ST3GAL1: variants seen among roughly 807,000 people sequenced by gnomAD.
ST3GAL1 encodes the protein ST3 beta-galactoside alpha-2,3-sialyltransferase 1, also known as CMP-N-acetylneuraminate-beta-galactosamide-alpha-2,3-sialyltransferase 1.
In ST3GAL1, 16 loss-of-function variants were observed where a neutral mutation model predicts 34.1. The observed-to-expected ratio is 0.47, with a 90% CI of 0.32 to 0.71. The LOEUF (loss-of-function observed/expected upper bound fraction) is 0.71. Among genes scored for constraint, ST3GAL1 ranks in the 30% least tolerant of loss-of-function variants. The pLI is 0.04. For missense variants in ST3GAL1, 353 were observed against 447.4 expected (o/e 0.79, Z 1.90); for synonymous variants, 191 against 184.7 (o/e 1.03, Z -0.28).
chr8:133,555,399 T>G (rs1818982183), intron 1 of ST3GAL1, among the ~76,000 whole-genome samples: 1 of 152,154 alleles, frequency 6.6e-6, no homozygotes, highest in Non-Finnish European at 1.5e-5. Flanking sequence ...AGCACCGTAG[T>G]GCAATCTGTT....
chr8:133,484,077 A>G (rs1172087885), intron 3 of ST3GAL1, among the ~76,000 whole-genome samples: 1 of 152,068 alleles, frequency 6.6e-6, no homozygotes, highest in Non-Finnish European at 1.5e-5. Context: ...TGTTTTTTAT[A>G]GTTTGCCAAA....
chr8:133,541,116 T>TAGAGAGAGAGAG (rs1287760256), intron 2 of ST3GAL1, among the ~76,000 whole-genome samples: 513 of 48,424 alleles, frequency 0.011, 33 homozygotes, highest in Middle Eastern at 0.019. Context: ...TATATATATA[T>TAGAGAGAGAGAG]ATATAGAGAG....
intron 3 of ST3GAL1, among the ~76,000 whole-genome samples, chr8:133,493,769 C>G (rs1193229399): frequency 6.6e-6 from 1 of 151,414 alleles, no homozygotes; most frequent in Non-Finnish European, 1.5e-5. Flanking sequence ...TCACTTGAAC[C>G]TGGGAGGTGG....
At chr8:133,464,994 C>T (rs755518202) in intron 6 of ST3GAL1, 37 bp from the exon 7 acceptor site, 60 of 1,582,440 alleles carry the variant, frequency 3.8e-5, no homozygotes, top group Middle Eastern at 3.4e-4. Context: ...TCTTGTAGCA[C>T]GGGCACCCGT....
intron 2 of ST3GAL1, among the ~76,000 whole-genome samples, chr8:133,532,800 C>T (rs567321491): frequency 1.3e-5 from 2 of 152,270 alleles, no homozygotes; most frequent in East Asian, 1.9e-4. Context: ...ATCCTTAGCC[C>T]TCACCTACAA....
chr8:133,556,804 T>A lies in ST3GAL1; in HGVS notation c.-581-10878A>T, dbSNP rs534168897. On this transcript the variant is annotated intron_variant, in intron 1 of 9. Coordinates refer to ENST00000522652, the MANE Select transcript of ST3GAL1 (RefSeq NM_173344.3). The surrounding 1 kb of genome is among the most constrained non-coding windows in gnomAD (Gnocchi z 8.9). ...CAGTCCTATTTATAGCCCTTTGAAA[T>A]ATGGTGTGGTGGAGGGGGGACATTT... 1.3e-5 allele frequency among the ~76,000 whole-genome samples: 2 copies of A among 152,132 alleles called. No homozygotes were observed. The highest frequency in any genetic ancestry group is 4.8e-5 in the African/African-American group (2 of 41,492).
intron 1 of ST3GAL1, among the ~76,000 whole-genome samples, chr8:133,551,562 G>GAAAGAAAC (rs1563739004): frequency 1.0e-4 from 14 of 139,302 alleles, no homozygotes; most frequent in African/African-American, 3.9e-4. Flanking sequence ...AAGAAAGAAA[G>GAAAGAAAC]AAAGAAAGAA....
intron 2 of ST3GAL1, among the ~76,000 whole-genome samples, chr8:133,519,023 G>A (rs899567753): frequency 2.0e-5 from 3 of 152,102 alleles, no homozygotes; most frequent in African/African-American, 4.8e-5. Context: ...AGGTGCAAAC[G>A]TCTGTCTATG....
chr8:133,537,654 G>A (rs1818347306), intron 2 of ST3GAL1, among the ~76,000 whole-genome samples: 1 of 152,148 alleles, frequency 6.6e-6, no homozygotes, highest in African/African-American at 2.4e-5. Context: ...CCATTCTCTG[G>A]AACCCTCTAC....
At chr8:133,555,634 G>A (rs919467415) in intron 1 of ST3GAL1, among the ~76,000 whole-genome samples, 5 of 152,170 alleles carry the variant, frequency 3.3e-5, no homozygotes, top group African/African-American at 4.8e-5. Flanking sequence ...CCTCATTACC[G>A]AAAGGATCAA....
At chr8:133,468,520 A>G (rs1290848113) in intron 5 of ST3GAL1, among the ~76,000 whole-genome samples, 1 of 152,166 alleles carries the variant, frequency 6.6e-6, no homozygotes, top group Non-Finnish European at 1.5e-5. Context: ...TTTGCTTGGG[A>G]TGACAAAAAT....
At chr8:133,486,835 G>A (rs1482507454) in intron 3 of ST3GAL1, among the ~76,000 whole-genome samples, 2 of 152,232 alleles carry the variant, frequency 1.3e-5, no homozygotes, top group Admixed American at 6.5e-5. Flanking sequence ...AGAAGCCGAG[G>A]CCAGTCAGCT....
At chr8:133,527,223 C>A (rs1023621628) in intron 2 of ST3GAL1, among the ~76,000 whole-genome samples, 4 of 152,098 alleles carry the variant, frequency 2.6e-5, no homozygotes, top group African/African-American at 9.7e-5. Context: ...CCTACAGGTG[C>A]CAAGCCAAAA....
rs1255725900 is a variant in ST3GAL1 at position 133,459,975 on chromosome 8, G to A, written c.850-38C>T. 2 of 1,566,152 alleles carry A rather than the reference G, an allele frequency of 1.3e-6. No homozygotes were observed. Among genetic ancestry groups the A allele is most frequent in the South Asian group, 1.2e-5 (1 of 85,602 alleles). Reference sequence around the variant, plus strand: ...AGCAAAGATGAGAACCAGACAGCAGGGCTGCTGGTGGCACCTCTGAGAAAG... The same window carrying A: ...AGCAAAGATGAGAACCAGACAGCAGAGCTGCTGGTGGCACCTCTGAGAAAG... On this transcript the variant is annotated intron_variant, in intron 9 of 9. Transcript: ENST00000522652. The surrounding 1 kb of genome is among the most constrained non-coding windows in gnomAD (Gnocchi z 4.7).
intron 2 of ST3GAL1, among the ~76,000 whole-genome samples, chr8:133,541,060 T>TATATAGAC (rs560020738): frequency 0.43 from 19,813 of 45,916 alleles, 4,284 homozygotes; most frequent in East Asian, 0.59. Flanking sequence ...TATAGACATA[T>TATATAGAC]ATATATAGAC....
rs1563719774 is a variant in ST3GAL1 at position 133,508,502 on chromosome 8, G to A, written c.-428-9313C>T. On this transcript the variant is annotated intron_variant, in intron 2 of 9. Coordinates refer to ENST00000522652, the MANE Select transcript of ST3GAL1 (RefSeq NM_173344.3). The surrounding 1 kb of genome is among the most constrained non-coding windows in gnomAD (Gnocchi z 4.1). ...GGAACACTTCCTCTGCAATCTACGT[G>A]CACGGAGTCCCAGACTCAGGTTCTA... 1.3e-5 allele frequency among the ~76,000 whole-genome samples: 2 copies of A among 152,134 alleles called. No individual in the cohort carries two copies. The highest frequency in any genetic ancestry group is 3.9e-4 in the East Asian group (2 of 5,176).
rs1815298624 is a variant in ST3GAL1 at position 133,456,349 on chromosome 8, T to C, written c.*3415A>G. ...GGGCCACCTCATCAGCCCATCTTTG[T>C]AGCTTCAGGTTCAGCTCTGGGTGCT... On this transcript the variant is annotated 3_prime_UTR_variant, in exon 10 of 10. Coordinates refer to ENST00000522652, the MANE Select transcript of ST3GAL1 (RefSeq NM_173344.3). 1 of 152,254 alleles carries C rather than the reference T, an allele frequency of 6.6e-6. No individual in the cohort carries two copies. The highest frequency in any genetic ancestry group is 2.4e-5 in the African/African-American group (1 of 41,452). 9.4% of individuals were successfully genotyped at this position (152,254 alleles called of 1,614,324 possible).
At chr8:133,543,692 T>C (rs1179426138) in intron 2 of ST3GAL1, among the ~76,000 whole-genome samples, 2 of 152,124 alleles carry the variant, frequency 1.3e-5, no homozygotes, top group African/African-American at 2.4e-5. Context: ...GTGCCAATAA[T>C]TTAAAGCTAT....
chr8:133,548,523 C>G (rs1818735631), intron 1 of ST3GAL1, among the ~76,000 whole-genome samples: 1 of 152,224 alleles, frequency 6.6e-6, no homozygotes, highest in African/African-American at 2.4e-5. Context: ...TGTGCCCTCA[C>G]CACCCAGCAC....
Sources: gnomAD v4.1 joint callset for allele counts (sites outside exome capture counted in the v4.1 genomes callset) on GRCh38, gnomAD v4.1.1 for gene constraint, Gnocchi (gnomAD v3.1) non-coding constraint, MANE v1.5 for transcripts, NCBI Gene and HGNC (gene_info 2026-07-23, HGNC 2026-07-21) for gene names.